The following CDKN2B-AS1 variants were observed in gnomAD, a reference collection of about 807,000 sequenced individuals.
The protein encoded by CDKN2B-AS1 is CDKN2B and CDKN2A antisense cis and trans regulatory RNA 1, also known as CDKN2B antisense RNA 1 (non-protein coding).
At chr9:22,050,383 T>C (rs190689623) in intron 3 of CDKN2B-AS1, among the ~76,000 whole-genome samples, 1 of 152,332 alleles carries the variant, frequency 6.6e-6, no homozygotes, top group Admixed American at 6.5e-5. Flanking sequence ...TCTGTACTGC[T>C]GTGATGACTG....
At chr9:22,101,844 G>C (rs1282076877) in intron 4 of CDKN2B-AS1, among the ~76,000 whole-genome samples, 1 of 152,206 alleles carries the variant, frequency 6.6e-6, no homozygotes, top group Non-Finnish European at 1.5e-5. Context: ...AGGATGGGCA[G>C]AGCTTGCATG....
intron 1 of CDKN2B-AS1, among the ~76,000 whole-genome samples, chr9:22,035,330 A>G (rs1413694067): frequency 2.0e-5 from 3 of 151,444 alleles, no homozygotes; most frequent in East Asian, 1.9e-4. Context: ...GAACTAAGAT[A>G]GAACTAATAC....
At chr9:22,019,783 T>C (rs1821940616) in intron 1 of CDKN2B-AS1, among the ~76,000 whole-genome samples, 1 of 152,174 alleles carries the variant, frequency 6.6e-6, no homozygotes, top group African/African-American at 2.4e-5. Context: ...CATTTGAATA[T>C]AGAAGAAAGA....
chr9:22,005,993 C>T lies in CDKN2B-AS1; in HGVS notation n.29+10832C>T, dbSNP rs757876781. 1.9e-6 allele frequency: 3 copies of T among 1,602,154 alleles called. No homozygotes were observed. The highest frequency in any genetic ancestry group is 2.5e-6 in the Non-Finnish European group (3 of 1,179,810). ...GCGGCTGGGGAACCTGGCGTCAGTC[C>T]CCCGTGGCTGTGCGCAGGTACCCTG... On this transcript the variant is annotated intron_variant and non_coding_transcript_variant, in intron 1 of 4. Transcript: ENST00000650946. This position sits in a 1 kb window ranked among gnomAD's most constrained non-coding sequence, Gnocchi z 4.9.
rs1820889133 is a variant in CDKN2B-AS1, at chr9:22,000,869, G to T, written n.29+5708G>T. 6.6e-6 allele frequency among the ~76,000 whole-genome samples: 1 copy of T among 152,104 alleles called. No individual in the cohort carries two copies. Among genetic ancestry groups the T allele is most frequent in the African/African-American group, 2.4e-5 (1 of 41,428 alleles). On this transcript the variant is annotated intron_variant and non_coding_transcript_variant, in intron 1 of 4. Transcript: ENST00000650946. This position sits in a 1 kb window ranked among gnomAD's most constrained non-coding sequence, Gnocchi z 4.1. ...ACAATGGATTATCCTTACATATTTG[G>T]TTTGGGATTACATTGAGAGCTACCT... is the stretch of plus-strand genomic sequence containing the variant.
chr9:22,024,638 G>T (rs976638825), intron 1 of CDKN2B-AS1, among the ~76,000 whole-genome samples: 4 of 152,188 alleles, frequency 2.6e-5, no homozygotes, highest in African/African-American at 9.7e-5. Flanking sequence ...GTGCTGCTAA[G>T]GTTCTGTCTG....
At chr9:22,016,860 A>G (rs1001718606) in intron 1 of CDKN2B-AS1, among the ~76,000 whole-genome samples, 1 of 152,254 alleles carries the variant, frequency 6.6e-6, no homozygotes, top group Non-Finnish European at 1.5e-5. Context: ...CATTATTACT[A>G]TAAACCTATA....
intron 1 of CDKN2B-AS1, among the ~76,000 whole-genome samples, chr9:21,998,176 A>C (rs1434918767): frequency 2.6e-5 from 4 of 152,212 alleles, no homozygotes; most frequent in African/African-American, 9.6e-5. Flanking sequence ...TTCTAAGTTT[A>C]ATATTAGTCT....
chr9:22,083,903 A>G (rs138730438), intron 4 of CDKN2B-AS1, among the ~76,000 whole-genome samples: 1 of 152,340 alleles, frequency 6.6e-6, no homozygotes, highest in East Asian at 1.9e-4. Flanking sequence ...ATGGCGCTAT[A>G]TATTACATGG....
intron 4 of CDKN2B-AS1, among the ~76,000 whole-genome samples, chr9:22,064,530 A>C (rs988413647): frequency 6.6e-6 from 1 of 152,224 alleles, no homozygotes; most frequent in Non-Finnish European, 1.5e-5. Flanking sequence ...TTCTTTCAGC[A>C]TATGAGGATT....
intron 4 of CDKN2B-AS1, among the ~76,000 whole-genome samples, chr9:22,076,414 G>T (rs1024059579): frequency 2.0e-5 from 3 of 151,988 alleles, no homozygotes; most frequent in Non-Finnish European, 2.9e-5. Context: ...AAAGAACAGG[G>T]TTGTCTAATC....
intron 4 of CDKN2B-AS1, among the ~76,000 whole-genome samples, chr9:22,115,953 T>A (rs1323369348): frequency 6.6e-6 from 1 of 152,168 alleles, no homozygotes; most frequent in African/African-American, 2.4e-5. Context: ...CCTGTTCGGA[T>A]CCCTTCAGCT....
At chr9:22,043,463 C>G (rs1361761358) in intron 1 of CDKN2B-AS1, among the ~76,000 whole-genome samples, 1 of 151,912 alleles carries the variant, frequency 6.6e-6, no homozygotes, top group Non-Finnish European at 1.5e-5. Flanking sequence ...CAAATATATC[C>G]AGTGTTCAGT....
At chr9:22,086,297 T>G (rs1824866121) in intron 4 of CDKN2B-AS1, among the ~76,000 whole-genome samples, 1 of 152,202 alleles carries the variant, frequency 6.6e-6, no homozygotes, top group Admixed American at 6.5e-5. Context: ...CTGCTCCTTT[T>G]GGAGTAGAGA....
At chr9:22,021,258 C>G (rs1192829499) in intron 1 of CDKN2B-AS1, among the ~76,000 whole-genome samples, 1 of 151,758 alleles carries the variant, frequency 6.6e-6, no homozygotes, top group Non-Finnish European at 1.5e-5. Flanking sequence ...ATGTTCTTAA[C>G]TTTTATTTAT....
At chr9:22,059,451 T>C (rs1823717289) in intron 4 of CDKN2B-AS1, among the ~76,000 whole-genome samples, 2 of 152,344 alleles carry the variant, frequency 1.3e-5, no homozygotes, top group African/African-American at 4.8e-5. Context: ...CAGGTTATGC[T>C]GATGCAGGAG....
At chr9:22,102,651 T>G (rs772313099) in intron 4 of CDKN2B-AS1, among the ~76,000 whole-genome samples, 1 of 152,198 alleles carries the variant, frequency 6.6e-6, no homozygotes, top group Non-Finnish European at 1.5e-5. Context: ...TCCTTTAGGC[T>G]GTTTCTTATA....
At chr9:22,062,953 C>T (rs923884542) in intron 4 of CDKN2B-AS1, among the ~76,000 whole-genome samples, 1 of 140,312 alleles carries the variant, frequency 7.1e-6, no homozygotes, top group African/African-American at 2.8e-5. Flanking sequence ...AGAAAAGTGA[C>T]TTGTGTGTGT....
intron 4 of CDKN2B-AS1, chr9:22,078,027 T>C (rs925377264): frequency 6.6e-6 from 1 of 152,210 alleles, no homozygotes; most frequent in Admixed American, 6.5e-5. Flanking sequence ...TGTTTTACTA[T>C]CTCCAAGCCC....
Sources: gnomAD v4.1 joint callset for allele counts (sites outside exome capture counted in the v4.1 genomes callset) on GRCh38, gnomAD v4.1.1 for gene constraint, Gnocchi (gnomAD v3.1) non-coding constraint, MANE v1.5 for transcripts, NCBI Gene and HGNC (gene_info 2026-07-23, HGNC 2026-07-21) for gene names.